ZNF385B: variants seen among roughly 807,000 people sequenced by gnomAD.
The protein encoded by ZNF385B is zinc finger protein 385B, also known as zinc finger protein 533.
ZNF385B carries 23 observed loss-of-function variants against 39.2 expected under a neutral mutation model. That is an observed-to-expected ratio of 0.59 (90% confidence interval 0.42 to 0.83). The LOEUF (loss-of-function observed/expected upper bound fraction) is 0.83. Ranked by LOEUF, ZNF385B falls within the 40% of genes least tolerant of loss-of-function variation. The pLI, the probability that ZNF385B is intolerant of heterozygous loss-of-function variation, is 0.00. For missense variants in ZNF385B, 552 were observed against 598.9 expected (o/e 0.92, Z 0.82); for synonymous variants, 205 against 222.6 (o/e 0.92, Z 0.70).
intron 1 of ZNF385B, among the ~76,000 whole-genome samples, chr2:179,800,804 C>G (rs1334726676): frequency 6.6e-6 from 1 of 152,060 alleles, no homozygotes; most frequent in Non-Finnish European, 1.5e-5. Context: ...ATCATCTCTT[C>G]TTTAATGTTT....
At chr2:179,638,021 T>C (rs1291288136) in intron 3 of ZNF385B, among the ~76,000 whole-genome samples, 1 of 152,228 alleles carries the variant, frequency 6.6e-6, no homozygotes, top group Non-Finnish European at 1.5e-5. Context: ...GCAGCATTTA[T>C]CTGCATATTC....
intron 3 of ZNF385B, among the ~76,000 whole-genome samples, chr2:179,752,128 C>T (rs1702716752): frequency 6.6e-6 from 1 of 152,088 alleles, no homozygotes; most frequent in South Asian, 2.1e-4. Flanking sequence ...TGTTCCCCTT[C>T]CTGTGTCCAA....
At chr2:179,554,661 G>C (rs2105936930) in intron 3 of ZNF385B, among the ~76,000 whole-genome samples, 1 of 149,032 alleles carries the variant, frequency 6.7e-6, no homozygotes, top group South Asian at 2.2e-4. Context: ...AGATCAATAA[G>C]AAAATGATAA....
intron 3 of ZNF385B, among the ~76,000 whole-genome samples, chr2:179,723,084 T>A (rs929654349): frequency 6.6e-6 from 1 of 152,184 alleles, no homozygotes; most frequent in African/African-American, 2.4e-5. Flanking sequence ...TGTGACACAA[T>A]AGACTGATCA....
chr2:179,519,604 G>A lies in ZNF385B; in HGVS notation c.442-966C>T, dbSNP rs72954324. ...GAAAAGAAACACCTAGATCTGCAGAGCCTATGAAAAGAGACACAGCAGTGA... is the reference window on the plus strand; with the variant it reads ...GAAAAGAAACACCTAGATCTGCAGAACCTATGAAAAGAGACACAGCAGTGA... On this transcript the variant is annotated intron_variant, in intron 4 of 9. Transcript: ENST00000410066. 8.9e-3 allele frequency among the ~76,000 whole-genome samples: 1,355 copies of A among 152,264 alleles called. 9 individuals carry two copies. Among genetic ancestry groups the A allele is most frequent in the South Asian group, 0.013 (64 of 4,820 alleles).
rs926892628 is a variant in ZNF385B, at chr2:179,516,180, G to T, written c.552+2348C>A. On this transcript the variant is annotated intron_variant, in intron 5 of 9. Transcript: ENST00000410066. ...ATGGCTTTAACATAGTTTGTTTATT[G>T]ATCAGTTGATGGACATTTGGGTCAA... Among the ~76,000 whole-genome samples the T allele has an allele frequency of 2.0e-5, 3 of 151,496 alleles. No homozygotes were observed. In the East Asian group the frequency reaches 5.8e-4, roughly 29 times the overall value.
chr2:179,558,395 GA>G (rs2061096349), intron 3 of ZNF385B, among the ~76,000 whole-genome samples: 1 of 152,116 alleles, frequency 6.6e-6, no homozygotes, highest in African/African-American at 2.4e-5. Context: ...GAAAAGAAAA[GA>G]ATAGTGGTTT....
At chr2:179,722,231 C>G (rs1189981065) in intron 3 of ZNF385B, among the ~76,000 whole-genome samples, 2 of 151,990 alleles carry the variant, frequency 1.3e-5, no homozygotes, top group Admixed American at 6.6e-5. Flanking sequence ...AGAAGTAAAC[C>G]ATGCACTTAG....
chr2:179,831,953 T>C (rs1024301913), intron 1 of ZNF385B, among the ~76,000 whole-genome samples: 1 of 152,210 alleles, frequency 6.6e-6, no homozygotes, highest in South Asian at 2.1e-4. Context: ...AAAGAAATAG[T>C]TCAGGCATAA....
At chr2:179,584,438 A>G (rs995515636) in intron 3 of ZNF385B, among the ~76,000 whole-genome samples, 12 of 152,310 alleles carry the variant, frequency 7.9e-5, no homozygotes, top group Admixed American at 5.9e-4. Context: ...GGGGCAGGAA[A>G]GTTTTCTGAA....
chr2:179,630,088 A>G (rs1053430956), intron 3 of ZNF385B, among the ~76,000 whole-genome samples: 3 of 152,270 alleles, frequency 2.0e-5, no homozygotes, highest in Non-Finnish European at 2.9e-5. Context: ...CGGGCAGGGC[A>G]TGGCTGAACA....
intron 6 of ZNF385B, among the ~76,000 whole-genome samples, chr2:179,476,016 CAAAAAAAAAAA>C (rs34327373): frequency 1.8e-5 from 1 of 57,014 alleles, no homozygotes; most frequent in Non-Finnish European, 3.2e-5. Flanking sequence ...GCCTCTGTCT[CAAAAAAAAAAA>C]AAAAAAAAAA....
At chr2:179,744,579 G>A (rs1334716419) in intron 3 of ZNF385B, among the ~76,000 whole-genome samples, 2 of 152,064 alleles carry the variant, frequency 1.3e-5, no homozygotes, top group South Asian at 2.1e-4. Context: ...CAAGCTTTAC[G>A]TGTACTGGCA....
chr2:179,543,048 A>C (rs1274711299), intron 4 of ZNF385B, among the ~76,000 whole-genome samples: 1 of 152,136 alleles, frequency 6.6e-6, no homozygotes, highest in Non-Finnish European at 1.5e-5. Flanking sequence ...GAGGAGGGTG[A>C]ATCACCTGAG....
intron 3 of ZNF385B, among the ~76,000 whole-genome samples, chr2:179,658,233 C>G (rs895390758): frequency 6.6e-6 from 1 of 152,306 alleles, no homozygotes; most frequent in South Asian, 2.1e-4. Flanking sequence ...TTCACACAAG[C>G]GTAGGTGCTC....
chr2:179,854,576 G>C (rs1186532510), intron 1 of ZNF385B, among the ~76,000 whole-genome samples: 4 of 152,126 alleles, frequency 2.6e-5, no homozygotes, highest in Non-Finnish European at 4.4e-5. Flanking sequence ...CTTGAAATCA[G>C]TATAAACCAA....
At chr2:179,455,224 C>T (rs1421028144) in intron 6 of ZNF385B, among the ~76,000 whole-genome samples, 1 of 151,832 alleles carries the variant, frequency 6.6e-6, no homozygotes, top group African/African-American at 2.4e-5. Flanking sequence ...GTATTTAGTA[C>T]AGTAACCTGT....
At chr2:179,739,536 G>T (rs992656580) in intron 3 of ZNF385B, among the ~76,000 whole-genome samples, 1 of 152,158 alleles carries the variant, frequency 6.6e-6, no homozygotes, top group Non-Finnish European at 1.5e-5. Context: ...TTTTCAGGGT[G>T]TTAAAGTCAC....
intron 6 of ZNF385B, among the ~76,000 whole-genome samples, chr2:179,457,217 T>C (rs1380023409): frequency 6.6e-6 from 1 of 152,212 alleles, no homozygotes; most frequent in East Asian, 1.9e-4. Context: ...GAAGGATATT[T>C]TTTCACTGCT....
Sources: gnomAD v4.1 joint callset for allele counts (sites outside exome capture counted in the v4.1 genomes callset) on GRCh38, gnomAD v4.1.1 for gene constraint, MANE v1.5 for transcripts, NCBI Gene and HGNC (gene_info 2026-07-23, HGNC 2026-07-21) for gene names.